NPIPB15: variants seen among roughly 807,000 people sequenced by gnomAD.
NPIPB15 encodes nuclear pore complex interacting protein family member B15, also known as nuclear pore complex-interacting protein family member B15.
In NPIPB15, 5 loss-of-function variants were observed where a neutral mutation model predicts 35.9. That is an observed-to-expected ratio of 0.14 (90% confidence interval 0.07 to 0.29). The LOEUF (loss-of-function observed/expected upper bound fraction) is 0.29, where lower values mean the gene tolerates loss of function less well. Among genes scored for constraint, NPIPB15 ranks in the 10% least tolerant of loss-of-function variants. The pLI is 1.00. For missense variants in NPIPB15, 100 were observed against 506.1 expected, an observed-to-expected ratio of 0.20 and a Z score of 7.70; for synonymous variants, 43 against 182.0, an observed-to-expected ratio of 0.24 and a Z score of 6.15.
chr16:74,384,990 CTTGTGTGT>C (rs2012188689), intron 3 of NPIPB15, among the ~76,000 whole-genome samples: 2 of 86,750 alleles, frequency 2.3e-5, no homozygotes, highest in Non-Finnish European at 4.5e-5. Context: ...TCATGTCATT[CTTGTGTGT>C]GTGTGTGTGT....
chr16:74,391,658 G>T lies in NPIPB15; in HGVS notation c.910G>T (p.Val304Phe). ...TGATAATCTGAAGGAGTATCTCCTG[G>T]TCCCTCTTCCACCCTCTCCTCTTCC... Reference protein sequence around the residue: ...VDDNLKEYLLVPLPPSPLPPS... With the variant: ...VDDNLKEYLLFPLPPSPLPPS... The change falls in exon 8 of 8, where the codon GTC (valine) becomes TTC (phenylalanine). Residue 304 changes from valine to phenylalanine, a missense_variant. Coordinates refer to ENST00000692376, the MANE Select transcript of NPIPB15 (RefSeq NM_001306094.2). The T allele has an allele frequency of 6.3e-7, 1 of 1,575,728 alleles. No individual in the cohort carries two copies. Among genetic ancestry groups the T allele is most frequent in the Non-Finnish European group, 8.6e-7 (1 of 1,163,666 alleles).
chr16:74,384,697 T>TTTTTGG (rs2012169670), intron 3 of NPIPB15, among the ~76,000 whole-genome samples: 1 of 76,208 alleles, frequency 1.3e-5, no homozygotes, highest in African/African-American at 5.4e-5. Flanking sequence ...TTTTTTTTTT[T>TTTTTGG]GAGACAGAGT....
rs1428263474 is a variant in NPIPB15, at chr16:74,377,307, A to C, written c.-62A>C. Among the ~76,000 whole-genome samples, 2 of 152,058 alleles carry C rather than the reference A, an allele frequency of 1.3e-5. No homozygotes were observed. Among genetic ancestry groups the C allele is most frequent in the African/African-American group, 4.8e-5 (2 of 41,452 alleles). The stretch of plus-strand genomic sequence containing the variant: ...GCTCAGGAAGGAAGGAGAGCCCAGA[A>C]GCAGGGACAGGGAGCTGGTTGGGGA... On this transcript the variant is annotated 5_prime_UTR_variant, in exon 1 of 8. Coordinates refer to ENST00000692376, the MANE Select transcript of NPIPB15 (RefSeq NM_001306094.2).
At chr16:74,381,148 C>CA (rs1166274271) in intron 2 of NPIPB15, among the ~76,000 whole-genome samples, 133 of 74,154 alleles carry the variant, frequency 1.8e-3, no homozygotes, top group East Asian at 8.6e-3. Flanking sequence ...ACTCTGTCTC[C>CA]AAAAAAAAAA....
chr16:74,390,444 G>A (rs2142697834), intron 7 of NPIPB15: 1 of 408,654 alleles, frequency 2.4e-6, no homozygotes, highest in African/African-American at 5.6e-5. Flanking sequence ...TTGTGCACTT[G>A]AAGTGAAACA....
rs2012272395 is a variant in NPIPB15, at chr16:74,386,262, G to C, written c.545+513G>C. Among the ~76,000 whole-genome samples the C allele has an allele frequency of 2.2e-5, 3 of 133,850 alleles. No individual in the cohort carries two copies. The Admixed American group carries it at 2.6e-4, about 11-fold the overall frequency. The allele number at this position is 133,850 out of a possible 152,430, so 87.8% of individuals were successfully genotyped here. A position where few individuals can be genotyped will look rare whatever the true frequency, so the allele number is the denominator to read the frequency against. On this transcript the variant is annotated intron_variant, in intron 5 of 7. Coordinates refer to ENST00000692376, the MANE Select transcript of NPIPB15 (RefSeq NM_001306094.2). ...AGCCTCCCAAAGTGCTGGGATTAGA[G>C]GTGTGAGCCACCACACCCAGCCTTT... is the stretch of plus-strand genomic sequence containing the variant.
intron 2 of NPIPB15, among the ~76,000 whole-genome samples, chr16:74,379,109 A>G (rs1201311975): frequency 6.6e-6 from 1 of 152,250 alleles, no homozygotes; most frequent in East Asian, 1.9e-4. Context: ...CAAGATCTAC[A>G]CTATTATGTC....
At chr16:74,388,806 A>G (rs2012406349) in intron 5 of NPIPB15, 2 of 962,738 alleles carry the variant, frequency 2.1e-6, no homozygotes, top group African/African-American at 3.6e-5. Flanking sequence ...AGAAATACAC[A>G]CCTACAAGTG....
chr16:74,382,727 A>C (rs933913609), intron 3 of NPIPB15, among the ~76,000 whole-genome samples: 5 of 152,354 alleles, frequency 3.3e-5, no homozygotes, highest in Admixed American at 3.3e-4. Flanking sequence ...TTTTATATTC[A>C]AGGGAAGAGG....
At chr16:74,389,272 A>G (rs2012426610) in intron 5 of NPIPB15, among the ~76,000 whole-genome samples, 1 of 150,456 alleles carries the variant, frequency 6.6e-6, no homozygotes, top group African/African-American at 2.5e-5. Context: ...GGATATACTG[A>G]GAATGGGGAA....
chr16:74,391,643 A>T lies in NPIPB15; in HGVS notation c.895A>T (p.Lys299Ter). The T allele has an allele frequency of 6.3e-7, 1 of 1,598,378 alleles. No homozygotes were observed. The highest frequency in any genetic ancestry group is 8.5e-7 in the Non-Finnish European group (1 of 1,172,632). Residue 299 changes from lysine to a stop codon, truncating the protein, a stop_gained, in exon 8 of 8, where the codon AAG (lysine) becomes TAG (stop). Transcript: ENST00000692376. LOFTEE classifies it high-confidence loss of function. ...PLPPSVDDNLKEYLLVPLPPS... is the reference protein window; with the variant it reads ...PLPPSVDDNL ...TCCACCCTCAGTGGATGATAATCTG[A>T]AGGAGTATCTCCTGGTCCCTCTTCC... is the stretch of plus-strand genomic sequence containing the variant.
intron 3 of NPIPB15, among the ~76,000 whole-genome samples, chr16:74,382,529 A>T (rs2012044860): frequency 6.6e-6 from 1 of 152,254 alleles, no homozygotes; most frequent in South Asian, 2.1e-4. Context: ...GTATGTCAAA[A>T]GTCTGTACTT....
At chr16:74,380,852 A>T (rs1192561215) in intron 2 of NPIPB15, among the ~76,000 whole-genome samples, 3 of 150,454 alleles carry the variant, frequency 2.0e-5, no homozygotes, top group African/African-American at 7.3e-5. Flanking sequence ...AAAAACAAAA[A>T]CAAAAAAAAA....
At chr16:74,387,770 CAA>C (rs2012353657) in intron 5 of NPIPB15, among the ~76,000 whole-genome samples, 2 of 151,748 alleles carry the variant, frequency 1.3e-5, no homozygotes, top group African/African-American at 4.8e-5. Flanking sequence ...TGGTCAGAAA[CAA>C]GTTCATTAAC....
intron 5 of NPIPB15, 117 bp from the exon 6 acceptor site, chr16:74,389,708 C>G (rs1225567477): frequency 1.7e-6 from 1 of 585,346 alleles, no homozygotes; most frequent in African/African-American, 2.2e-5. Flanking sequence ...AATACGTTTT[C>G]TAGGTAGAGA....
intron 2 of NPIPB15, among the ~76,000 whole-genome samples, chr16:74,381,134 C>T (rs1371320814): frequency 6.6e-5 from 8 of 121,730 alleles, no homozygotes; most frequent in Non-Finnish European, 9.8e-5. Flanking sequence ...CTGAGTGGAG[C>T]GGAACTCTGT....
intron 3 of NPIPB15, among the ~76,000 whole-genome samples, chr16:74,384,746 A>G (rs1306289293): frequency 7.4e-6 from 1 of 135,862 alleles, no homozygotes; most frequent in Non-Finnish European, 1.5e-5. Context: ...CAATGGCACA[A>G]TCTCAGCTCA....
At chr16:74,384,696 T>G (rs1389630432) in intron 3 of NPIPB15, among the ~76,000 whole-genome samples, 7 of 63,612 alleles carry the variant, frequency 1.1e-4, no homozygotes, top group Admixed American at 2.3e-4. Flanking sequence ...TTTTTTTTTT[T>G]TGAGACAGAG....
intron 3 of NPIPB15, among the ~76,000 whole-genome samples, chr16:74,384,882 T>C (rs1172860397): frequency 1.3e-5 from 2 of 151,462 alleles, no homozygotes; most frequent in East Asian, 2.0e-4. Flanking sequence ...CATTTCTCCA[T>C]GTTGGTGAGG....
Sources: allele counts gnomAD v4.1 joint callset (sites outside exome capture counted in the v4.1 genomes callset), GRCh38; gene constraint gnomAD v4.1.1; transcripts MANE v1.5; gene names NCBI Gene and HGNC (gene_info 2026-07-23, HGNC 2026-07-21).